Variants in TRPC4 observed in about 807,000 individuals in gnomAD.
TRPC4 encodes the protein short transient receptor potential channel 4.
In TRPC4, 49 loss-of-function variants were observed where a neutral mutation model predicts 99.4. The observed-to-expected ratio is 0.49, with a 90% CI of 0.39 to 0.63. The LOEUF (loss-of-function observed/expected upper bound fraction) is 0.63. Ranked by LOEUF, TRPC4 falls within the 20% of genes least tolerant of loss-of-function variation. TRPC4 has a pLI of 0.00. For synonymous variants in TRPC4, 454 were observed against 425.9 expected (o/e 1.07, Z -0.81); for missense variants, 898 against 1,152.9 (o/e 0.78, Z 3.20).
At chr13:37,659,109 G>A (rs1032803996) in intron 6 of TRPC4, among the ~76,000 whole-genome samples, 1 of 152,144 alleles carries the variant, frequency 6.6e-6, no homozygotes, top group Non-Finnish European at 1.5e-5. Flanking sequence ...GAGGATGTTC[G>A]TCTCTTTCAA....
intron 8 of TRPC4, among the ~76,000 whole-genome samples, chr13:37,643,066 T>C (rs1346253176): frequency 6.6e-6 from 1 of 152,166 alleles, no homozygotes; most frequent in Non-Finnish European, 1.5e-5. Context: ...TAGGAGTTTT[T>C]CATTTCTCTG....
In TRPC4 at chr13:37,634,742, A is replaced by G. The variant is rs1016807697; in HGVS notation, c.*2161T>C. On this transcript the variant is annotated 3_prime_UTR_variant, in exon 11 of 11. Coordinates refer to ENST00000379705, the MANE Select transcript of TRPC4 (RefSeq NM_016179.4). The stretch of plus-strand genomic sequence containing the variant: ...AGAGGCAAAAAGAAATTAATAGAAA[A>G]TATCCCAAATATTAACAATAGGCCT... 6.6e-6 allele frequency among the ~76,000 whole-genome samples: 1 copy of G among 152,126 alleles called. No individual in the cohort carries two copies. Among genetic ancestry groups the G allele is most frequent in the African/African-American group, 2.4e-5 (1 of 41,442 alleles).
intron 3 of TRPC4, among the ~76,000 whole-genome samples, chr13:37,740,239 T>C (rs576442864): frequency 6.6e-6 from 1 of 152,268 alleles, no homozygotes; most frequent in African/African-American, 2.4e-5. Flanking sequence ...GATGTTACTG[T>C]CCCTCAACTA....
At chr13:37,674,923 A>T (rs370620263) in intron 4 of TRPC4, among the ~76,000 whole-genome samples, 3 of 152,154 alleles carry the variant, frequency 2.0e-5, no homozygotes, top group Admixed American at 6.5e-5. Flanking sequence ...TGTATTTTTA[A>T]TTTTTAATAG....
chr13:37,649,727 G>A (rs780381410), intron 8 of TRPC4, among the ~76,000 whole-genome samples: 11 of 62,214 alleles, frequency 1.8e-4, no homozygotes, highest in Non-Finnish European at 2.6e-4. Flanking sequence ...GCGAGACTCC[G>A]TCTCAAAAAA....
intron 1 of TRPC4, among the ~76,000 whole-genome samples, chr13:37,845,599 T>A (rs1208464802): frequency 6.6e-6 from 1 of 150,534 alleles, no homozygotes; most frequent in East Asian, 2.0e-4. Context: ...ATCCAATCGA[T>A]CAGAGGAGCA....
intron 1 of TRPC4, among the ~76,000 whole-genome samples, chr13:37,818,989 A>T (rs895443819): frequency 1.8e-4 from 28 of 152,124 alleles, no homozygotes; most frequent in Non-Finnish European, 2.5e-4. Context: ...TATGAAAAAA[A>T]ATTTTTAAAA....
In TRPC4 at chr13:37,638,965, C is replaced by T. The variant is rs556122410; in HGVS notation, c.2211+75G>A. The T allele has an allele frequency of 4.0e-6, 6 of 1,485,614 alleles. No homozygotes were observed. The Admixed American group carries it at 1.0e-4, about 25-fold the overall frequency. The allele number at this position is 1,485,614 out of a possible 1,614,324, so 92.0% of individuals were successfully genotyped here. A position where few individuals can be genotyped will look rare whatever the true frequency, so the allele number is the denominator to read the frequency against. On this transcript the variant is annotated intron_variant, in intron 10 of 10. Transcript: ENST00000379705. ...GGAACACACAGCTGCATTTCCAGCTCTGATTTTAAATGTGCTCTATCTGGA... is the reference window on the plus strand; with the variant it reads ...GGAACACACAGCTGCATTTCCAGCTTTGATTTTAAATGTGCTCTATCTGGA...
At chr13:37,835,315 T>C (rs1958537244) in intron 1 of TRPC4, among the ~76,000 whole-genome samples, 3 of 152,188 alleles carry the variant, frequency 2.0e-5, no homozygotes, top group South Asian at 2.1e-4. Flanking sequence ...ATATGACCTA[T>C]GAATGTCCAG....
chr13:37,784,918 C>T (rs1477398776), intron 1 of TRPC4, among the ~76,000 whole-genome samples: 1 of 152,056 alleles, frequency 6.6e-6, no homozygotes, highest in African/African-American at 2.4e-5. Context: ...TATTTCACAA[C>T]TGGTATCTCT....
chr13:37,702,703 A>T (rs1284800421), intron 3 of TRPC4, among the ~76,000 whole-genome samples: 2 of 152,158 alleles, frequency 1.3e-5, no homozygotes, highest in Non-Finnish European at 2.9e-5. Flanking sequence ...GGAAGAGAAA[A>T]ATATCAATAA....
chr13:37,667,318 GT>G (rs1489550000), intron 5 of TRPC4, among the ~76,000 whole-genome samples: 1 of 152,044 alleles, frequency 6.6e-6, no homozygotes, highest in Non-Finnish European at 1.5e-5. Flanking sequence ...CAGGAATCTT[GT>G]TTTTTGAGAC....
At chr13:37,806,044 C>T (rs1957522166) in intron 1 of TRPC4, among the ~76,000 whole-genome samples, 1 of 151,960 alleles carries the variant, frequency 6.6e-6, no homozygotes, top group South Asian at 2.1e-4. Flanking sequence ...AAGTTCATAG[C>T]ATAACATTGG....
chr13:37,654,524 A>T (rs750745085), intron 7 of TRPC4, among the ~76,000 whole-genome samples: 1 of 152,212 alleles, frequency 6.6e-6, no homozygotes, highest in Admixed American at 6.5e-5. Flanking sequence ...GAATAAATAA[A>T]TAACTTGTGC....
At chr13:37,658,495 T>TA (rs1007459335) in intron 6 of TRPC4, among the ~76,000 whole-genome samples, 8 of 152,130 alleles carry the variant, frequency 5.3e-5, no homozygotes, top group African/African-American at 1.7e-4. Context: ...CATAAATTAA[T>TA]AAAAAATTCA....
chr13:37,769,888 A>G (rs1411952123), intron 2 of TRPC4, among the ~76,000 whole-genome samples: 1 of 151,560 alleles, frequency 6.6e-6, no homozygotes, highest in Non-Finnish European at 1.5e-5. Context: ...AACCAGATCT[A>G]AATATACTAG....
At chr13:37,735,962 G>A (rs1404449843) in intron 3 of TRPC4, among the ~76,000 whole-genome samples, 1 of 152,122 alleles carries the variant, frequency 6.6e-6, no homozygotes, top group Non-Finnish European at 1.5e-5. Context: ...TTTATACGAT[G>A]TTTTGGACAC....
In TRPC4 at chr13:37,755,025, T is replaced by G. The variant is rs547713382; in HGVS notation, c.379-8570A>C. ...GCCGTTAAAAGTAATGGCAAAAACC[T>G]CATAGAAATTTATCTCTGTCACTAA... On this transcript the variant is annotated intron_variant, in intron 2 of 10. Coordinates refer to ENST00000379705, the MANE Select transcript of TRPC4 (RefSeq NM_016179.4). Among the ~76,000 whole-genome samples, 3 of 152,190 alleles carry G rather than the reference T, an allele frequency of 2.0e-5. No homozygotes were observed. The South Asian group carries it at 6.2e-4, about 32-fold the overall frequency.
Position 37,637,310 on chromosome 13 carries a change from T to C in TRPC4, c.2527A>G (p.Lys843Glu), listed in dbSNP as rs776624866. ...CGTCTATGAAATAACCCAAAGTTTT[T>C]GATATCGGTCACAAAATTCACTTTT... ...QRKVNFVTDIKNFGLFHRRSK... is the reference protein window; with the variant it reads ...QRKVNFVTDIENFGLFHRRSK... The change falls in exon 11 of 11, where the codon AAA (lysine) becomes GAA (glutamate). Residue 843 changes from lysine (K) to glutamate (E), a missense_variant. This residue lies in a region of TRPC4 where 346 missense variants were observed against 351.4 expected (regional missense o/e 0.98). Coordinates refer to ENST00000379705, the MANE Select transcript of TRPC4 (RefSeq NM_016179.4). 3 of 1,613,770 alleles carry C rather than the reference T, an allele frequency of 1.9e-6. No individual in the cohort carries two copies. The African/African-American group carries it at 4.0e-5, about 22-fold the overall frequency.
Sources: gnomAD v4.1 joint callset for allele counts (sites outside exome capture counted in the v4.1 genomes callset) on GRCh38, gnomAD v4.1.1 for gene constraint, gnomAD v4.1.1 regional missense constraint, MANE v1.5 for transcripts, NCBI Gene and HGNC (gene_info 2026-07-23, HGNC 2026-07-21) for gene names.